The following AKNAD1 variants were observed in gnomAD, a reference collection of about 807,000 sequenced individuals.
AKNAD1 encodes protein AKNAD1.
A neutral mutation model predicts 90.8 loss-of-function variants in AKNAD1; 67 were observed. That is an observed-to-expected ratio of 0.74 (90% CI 0.61 to 0.90). AKNAD1 has a LOEUF of 0.90. AKNAD1 is among the 40% of genes least tolerant of loss of function. AKNAD1 has a pLI of 0.00. For missense variants in AKNAD1, 957 were observed against 975.4 expected, an observed-to-expected ratio of 0.98 and a Z score of 0.25; for synonymous variants, 327 against 341.4, an observed-to-expected ratio of 0.96 and a Z score of 0.46.
chr1:108,823,549 C>A lies in AKNAD1; in HGVS notation c.2059+17G>T, dbSNP rs368846627. 4 of 1,613,164 alleles carry A rather than the reference C, an allele frequency of 2.5e-6. No individual in the cohort carries two copies. Among genetic ancestry groups the A allele is most frequent in the Non-Finnish European group, 3.4e-6 (4 of 1,179,306 alleles). ...ACTGTCCCCACTCGCCTTTCTGAGG[C>A]CCCAGGTGAGTGTTACCTTTAGTTG... On this transcript the variant is annotated intron_variant, in intron 12 of 15. Transcript: ENST00000370001.
chr1:108,823,784 G>A (rs1025411459), intron 11 of AKNAD1, 96 bp from the exon 12 acceptor site: 1 of 1,564,730 alleles, frequency 6.4e-7, no homozygotes, highest in Non-Finnish European at 8.7e-7. Flanking sequence ...TGCAGGGTAT[G>A]TGTTTGGCAC....
rs747472161 is a variant in AKNAD1, at chr1:108,834,532, A to AT, written c.1665-5dup. ...TCCATAATGACCGTTTAGGTAACTAATTTAAAAAAAAAAAAAGCAGTTTGA... is the reference window on the plus strand; with the variant it reads ...TCCATAATGACCGTTTAGGTAACTAATTTTAAAAAAAAAAAAAGCAGTTTGA... On this transcript the variant is annotated splice_region_variant and splice_polypyrimidine_tract_variant and intron_variant, in intron 8 of 15. Transcript: ENST00000370001. 1.8e-4 allele frequency: 258 copies of AT among 1,464,246 alleles called. 1 individual carries two copies. The African/African-American group carries it at 4.8e-3, about 27-fold the overall frequency. The allele number at this position is 1,464,246 out of a possible 1,614,324, so 90.7% of individuals were successfully genotyped here.
chr1:108,817,390 C>T (rs1663645873), intron 14 of AKNAD1: 4 of 423,688 alleles, frequency 9.4e-6, no homozygotes, highest in Non-Finnish European at 1.7e-5. Context: ...GGTGTTTTCT[C>T]CCGGAATTGA....
At chr1:108,818,606 A>C (rs942551405) in intron 14 of AKNAD1, among the ~76,000 whole-genome samples, 1 of 152,116 alleles carries the variant, frequency 6.6e-6, no homozygotes, top group Non-Finnish European at 1.5e-5. Flanking sequence ...CCCACTTTAC[A>C]TGCGGGGAAA....
rs1275690669 is a variant in AKNAD1 at position 108,837,623 on chromosome 1, G to A, written c.1463C>T (p.Ala488Val). 5 of 1,614,036 alleles carry A rather than the reference G, an allele frequency of 3.1e-6. No individual in the cohort carries two copies. The highest frequency in any genetic ancestry group is 4.2e-6 in the Non-Finnish European group (5 of 1,180,036). The change falls in exon 7 of 16, where the codon GCT becomes GTT. Residue 488 changes from alanine (A) to valine (V), a missense_variant. By Grantham distance (64) the Ala-to-Val change is moderately conservative. Transcript: ENST00000370001. ...EKMDESKYTS[A>V]PSLPVSSPVT... ...TGGAGAACTCACAGGAAGGGAAGGA[G>A]CTGAAGTATATTTGCTTTCATCCAT...
intron 6 of AKNAD1, among the ~76,000 whole-genome samples, chr1:108,842,521 C>A (rs745450330): frequency 5.3e-5 from 8 of 152,182 alleles, no homozygotes; most frequent in Non-Finnish European, 1.0e-4. Flanking sequence ...TGAATTAACT[C>A]AGAAATCATT....
At chr1:108,823,064 C>G in intron 13 of AKNAD1, 4 of 639,884 alleles carry the variant, frequency 6.3e-6, no homozygotes, top group Non-Finnish European at 1.1e-5. Context: ...TAGTGATTAT[C>G]CAGTAAGTCA....
intron 6 of AKNAD1, 40 bp downstream of exon 6, chr1:108,843,094 C>T (rs367900873): frequency 1.2e-6 from 2 of 1,607,440 alleles, no homozygotes; most frequent in African/African-American, 2.7e-5. Flanking sequence ...AGGAGATCAC[C>T]TTTGACCCTT....
intron 7 of AKNAD1, 151 bp downstream of exon 7, chr1:108,837,399 A>G (rs1445204804): frequency 1.8e-5 from 13 of 719,332 alleles, no homozygotes; most frequent in Non-Finnish European, 2.6e-5. Flanking sequence ...AGCTGGTTCC[A>G]TTTAAAATAA....
In AKNAD1 at chr1:108,838,329, CA is replaced by C. The variant is rs1342863959; in HGVS notation, c.1380-624del. On this transcript the variant is annotated intron_variant, in intron 6 of 15. Coordinates refer to ENST00000370001, the MANE Select transcript of AKNAD1 (RefSeq NM_152763.5). ...AACAACAAAAAGATAGCCCCCCCCC[CA>C]AAAAAAACCCTGTTTAATTAGAAAT... 1.1e-4 allele frequency among the ~76,000 whole-genome samples: 15 copies of C among 136,282 alleles called. No homozygotes were observed. The South Asian group carries it at 1.5e-3, about 14-fold the overall frequency. The allele number at this position is 136,282 out of a possible 152,430, so 89.4% of individuals were successfully genotyped here.
At chr1:108,853,523 A>G (rs960950806) in intron 1 of AKNAD1, among the ~76,000 whole-genome samples, 1 of 151,700 alleles carries the variant, frequency 6.6e-6, no homozygotes, top group Non-Finnish European at 1.5e-5. Flanking sequence ...CCTAGCTCAC[A>G]TGTAACACCC....
Position 108,828,960 on chromosome 1 carries a change from A to G in AKNAD1, c.1838+1599T>C, listed in dbSNP as rs564783044. Among the ~76,000 whole-genome samples, 3 of 152,016 alleles carry G rather than the reference A, an allele frequency of 2.0e-5. 1 individual carries two copies. The East Asian group carries it at 5.9e-4, about 30-fold the overall frequency. On this transcript the variant is annotated intron_variant, in intron 10 of 15. Transcript: ENST00000370001. Reference sequence around the variant, plus strand: ...AAATCCAAAGTTTTGCATCAGAAATAACATAAAGGGATAAGCATATTTTAC... The same window carrying G: ...AAATCCAAAGTTTTGCATCAGAAATGACATAAAGGGATAAGCATATTTTAC...
At chr1:108,834,227 A>G (rs190658165) in intron 9 of AKNAD1, among the ~76,000 whole-genome samples, 45 of 152,252 alleles carry the variant, frequency 3.0e-4, no homozygotes, top group African/African-American at 1.1e-3. Context: ...AAGTTGGAGA[A>G]GCTCCGGTCT....
intron 10 of AKNAD1, among the ~76,000 whole-genome samples, chr1:108,828,970 G>A (rs754117724): frequency 1.3e-5 from 2 of 151,704 alleles, no homozygotes; most frequent in Admixed American, 6.6e-5. Context: ...AACATAAAGG[G>A]ATAAGCATAT....
In AKNAD1 at chr1:108,852,385, C is replaced by T; in HGVS notation, c.280G>A (p.Ala94Thr). ...KDEKEKQCTA[A>T]LHIPANEGDA... Reference sequence around the variant, plus strand: ...CCTTCATTTGCTGGAATATGAAGAGCTGCAGTGCATTGTTTCTCTTTCTCG... The same window carrying T: ...CCTTCATTTGCTGGAATATGAAGAGTTGCAGTGCATTGTTTCTCTTTCTCG... Residue 94 changes from alanine (A) to threonine (T), a missense_variant, in exon 2 of 16, where the codon GCT becomes ACT. Transcript: ENST00000370001. The T allele has an allele frequency of 6.2e-7, 1 of 1,614,080 alleles. No homozygotes were observed. Among genetic ancestry groups the T allele is most frequent in the East Asian group, 2.2e-5 (1 of 44,890 alleles).
intron 10 of AKNAD1, 141 bp downstream of exon 10, chr1:108,830,418 G>A (rs1463416616): frequency 2.8e-6 from 2 of 721,808 alleles, no homozygotes; most frequent in East Asian, 5.4e-5. Flanking sequence ...GAGGGAGGCT[G>A]GGCTCTGTGC....
chr1:108,834,957 C>T lies in AKNAD1; in HGVS notation c.1636G>A (p.Glu546Lys), dbSNP rs751500049. 5.8e-6 allele frequency: 9 copies of T among 1,546,516 alleles called. No individual in the cohort carries two copies. Among genetic ancestry groups the T allele is most frequent in the African/African-American group, 2.9e-5 (2 of 69,646 alleles). The change falls in exon 8 of 16, where the codon GAG becomes AAG. Residue 546 changes from glutamate (E) to lysine (K), a missense_variant. Glu to Lys is a moderately conservative substitution (Grantham distance 56). Coordinates refer to ENST00000370001, the MANE Select transcript of AKNAD1 (RefSeq NM_152763.5). ...PQGGPQEAPN[E>K]ELCELAPQTY... ...TGCGGGGCCAGCTCACAGAGCTCCT[C>T]GTTGGGGGCCTCCTGCGGCCCTCCT...
At chr1:108,841,779 G>T (rs1664564621) in intron 6 of AKNAD1, among the ~76,000 whole-genome samples, 1 of 152,124 alleles carries the variant, frequency 6.6e-6, no homozygotes, top group Admixed American at 6.6e-5. Flanking sequence ...GACTATTCTG[G>T]AGCTGATCAG....
At chr1:108,828,052 G>A (rs777996652) in intron 10 of AKNAD1, among the ~76,000 whole-genome samples, 4 of 151,098 alleles carry the variant, frequency 2.6e-5, no homozygotes, top group Non-Finnish European at 5.9e-5. Flanking sequence ...AGGAGTTCAA[G>A]GTCAGCCAGG....
Sources: allele counts gnomAD v4.1 joint callset (sites outside exome capture counted in the v4.1 genomes callset), GRCh38; gene constraint gnomAD v4.1.1; transcripts MANE v1.5; gene names NCBI Gene and HGNC (gene_info 2026-07-23, HGNC 2026-07-21).